The following FAM204A variants were observed in gnomAD, a reference collection of about 807,000 sequenced individuals.
FAM204A encodes family with sequence similarity 204 member A, also known as protein FAM204A.
In FAM204A, 16 loss-of-function variants were observed where a neutral mutation model predicts 35.4. The ratio of observed to expected loss-of-function variants is 0.45; its 90% CI spans 0.31 to 0.69. FAM204A has a LOEUF of 0.69. Among genes scored for constraint, FAM204A ranks in the 30% least tolerant of loss-of-function variants. FAM204A has a pLI of 0.07. For missense variants in FAM204A, 240 were observed against 265.7 expected, an observed-to-expected ratio of 0.90 and a Z score of 0.67; for synonymous variants, 76 against 86.9, an observed-to-expected ratio of 0.88 and a Z score of 0.70.
chr10:118,335,227 G>T lies in FAM204A; in HGVS notation c.354-14C>A, dbSNP rs1358616467. 6.2e-7 allele frequency: 1 copy of T among 1,606,778 alleles called. No individual in the cohort carries two copies. Among genetic ancestry groups the T allele is most frequent in the Non-Finnish European group, 8.5e-7 (1 of 1,175,376 alleles). On this transcript the variant is annotated splice_polypyrimidine_tract_variant and intron_variant, in intron 5 of 8. Coordinates refer to ENST00000369183, the MANE Select transcript of FAM204A (RefSeq NM_022063.3). ...GAGGACGGTTCACTAAAAGAAGATA[G>T]TAAGTTTTGTTTTATACAATATATA...
In FAM204A at chr10:118,299,981, T is replaced by G. The variant is rs1845791780; in HGVS notation, c.*10876A>C. 1 of 152,224 alleles carries G rather than the reference T, an allele frequency of 6.6e-6. No individual in the cohort carries two copies. The highest frequency in any genetic ancestry group is 2.1e-4 in the South Asian group (1 of 4,824). The allele number at this position is 152,224 out of a possible 1,614,324, so 9.4% of individuals were successfully genotyped here. A position where few individuals can be genotyped will look rare whatever the true frequency, so the allele number is the denominator to read the frequency against. On this transcript the variant is annotated 3_prime_UTR_variant, in exon 9 of 9. Transcript: ENST00000369183. ...ACAAGTAGATTGGAAGTGGGTCTTGTGTGGCCTTGATTATAGAGGAACAAA... is the reference window on the plus strand; with the variant it reads ...ACAAGTAGATTGGAAGTGGGTCTTGGGTGGCCTTGATTATAGAGGAACAAA...
chr10:118,340,063 A>G (rs1279704644), intron 2 of FAM204A, among the ~76,000 whole-genome samples: 2 of 152,214 alleles, frequency 1.3e-5, no homozygotes, highest in Admixed American at 1.3e-4. Context: ...GCTAATTTCA[A>G]AAAGCCCAAA....
rs950062129 is a variant in FAM204A, at chr10:118,300,892, A to G, written c.*9965T>C. The G allele has an allele frequency of 2.6e-5, 4 of 152,254 alleles. No homozygotes were observed. The highest frequency in any genetic ancestry group is 5.9e-5 in the Non-Finnish European group (4 of 68,058). 9.4% of individuals were successfully genotyped at this position (152,254 alleles called of 1,614,324 possible). Reference sequence around the variant, plus strand: ...CATCAGTAATGGTAACTGAGTGCTTACTGCATGCCAGACCCGTGCTAAGCT... The same window carrying G: ...CATCAGTAATGGTAACTGAGTGCTTGCTGCATGCCAGACCCGTGCTAAGCT... On this transcript the variant is annotated 3_prime_UTR_variant, in exon 9 of 9. Coordinates refer to ENST00000369183, the MANE Select transcript of FAM204A (RefSeq NM_022063.3).
At chr10:118,314,643 T>G (rs1442327838) in intron 7 of FAM204A, among the ~76,000 whole-genome samples, 1 of 152,182 alleles carries the variant, frequency 6.6e-6, no homozygotes, top group African/African-American at 2.4e-5. Flanking sequence ...ATCTTCATGC[T>G]CAATGTAAAC....
At chr10:118,321,917 A>G (rs1589723667) in intron 7 of FAM204A, among the ~76,000 whole-genome samples, 2 of 152,042 alleles carry the variant, frequency 1.3e-5, no homozygotes, top group East Asian at 3.9e-4. Context: ...AGAATGTCAC[A>G]TGGTGACCCT....
intron 6 of FAM204A, among the ~76,000 whole-genome samples, chr10:118,331,315 C>T (rs1295761031): frequency 6.6e-6 from 1 of 152,130 alleles, no homozygotes; most frequent in Non-Finnish European, 1.5e-5. Flanking sequence ...CCTGCAGCAC[C>T]TTGGTGTGCT....
chr10:118,300,926 G>A lies in FAM204A; in HGVS notation c.*9931C>T, dbSNP rs1250792116. On this transcript the variant is annotated 3_prime_UTR_variant, in exon 9 of 9. Coordinates refer to ENST00000369183, the MANE Select transcript of FAM204A (RefSeq NM_022063.3). ...CAGACCCGTGCTAAGCTCTCTCCATGCACTATCTTAATGTTCACAACCTCA... is the reference window on the plus strand; with the variant it reads ...CAGACCCGTGCTAAGCTCTCTCCATACACTATCTTAATGTTCACAACCTCA... 6.6e-6 allele frequency: 1 copy of A among 152,200 alleles called. No individual in the cohort carries two copies. Among genetic ancestry groups the A allele is most frequent in the African/African-American group, 2.4e-5 (1 of 41,448 alleles). 9.4% of individuals were successfully genotyped at this position (152,200 alleles called of 1,614,324 possible). A position where few individuals can be genotyped will look rare whatever the true frequency, so the allele number is the denominator to read the frequency against.
intron 7 of FAM204A, among the ~76,000 whole-genome samples, chr10:118,312,263 T>C (rs1005644531): frequency 6.6e-6 from 1 of 152,210 alleles, no homozygotes; most frequent in Non-Finnish European, 1.5e-5. Flanking sequence ...TTTCTTGCCT[T>C]TTCTATCCCT....
In FAM204A at chr10:118,306,911, T is replaced by C. The variant is rs982798694; in HGVS notation, c.*3946A>G. On this transcript the variant is annotated 3_prime_UTR_variant, in exon 9 of 9. Coordinates refer to ENST00000369183, the MANE Select transcript of FAM204A (RefSeq NM_022063.3). ...TATTTTTTTCTTTTAAAGCAAGCAG[T>C]GTGGAGGGAGGATGAAATAATAAAG... is the stretch of plus-strand genomic sequence containing the variant. The C allele has an allele frequency of 6.6e-6, 1 of 152,102 alleles. No individual in the cohort carries two copies. Among genetic ancestry groups the C allele is most frequent in the African/African-American group, 2.4e-5 (1 of 41,410 alleles). The allele number at this position is 152,102 out of a possible 1,614,324, so 9.4% of individuals were successfully genotyped here.
In FAM204A at chr10:118,309,477, A is replaced by G. The variant is rs776975117; in HGVS notation, c.*1380T>C. ...AAAGTTTATATCAGACAGGTAGGAA[A>G]CCTCTGACAACGACAGAAGAGGTGA... On this transcript the variant is annotated 3_prime_UTR_variant, in exon 9 of 9. Transcript: ENST00000369183. 6.6e-6 allele frequency: 1 copy of G among 152,172 alleles called. No homozygotes were observed. Among genetic ancestry groups the G allele is most frequent in the Non-Finnish European group, 1.5e-5 (1 of 68,038 alleles). The allele number at this position is 152,172 out of a possible 1,614,324, so 9.4% of individuals were successfully genotyped here. A position where few individuals can be genotyped will look rare whatever the true frequency, so the allele number is the denominator to read the frequency against.
Position 118,300,369 on chromosome 10 carries a change from A to G in FAM204A, c.*10488T>C, listed in dbSNP as rs372787520. On this transcript the variant is annotated 3_prime_UTR_variant, in exon 9 of 9. Transcript: ENST00000369183. Reference sequence around the variant, plus strand: ...GAAAGAAAAGATGAAAGGACGTATTACTTCTTTTGTTCACTCAAGCCAATT... The same window carrying G: ...GAAAGAAAAGATGAAAGGACGTATTGCTTCTTTTGTTCACTCAAGCCAATT... 1 of 152,228 alleles carries G rather than the reference A, an allele frequency of 6.6e-6. No homozygotes were observed. Among genetic ancestry groups the G allele is most frequent in the African/African-American group, 2.4e-5 (1 of 41,458 alleles). The allele number at this position is 152,228 out of a possible 1,614,324, so 9.4% of individuals were successfully genotyped here. A position where few individuals can be genotyped will look rare whatever the true frequency, so the allele number is the denominator to read the frequency against.
chr10:118,308,511 A>G lies in FAM204A; in HGVS notation c.*2346T>C, dbSNP rs1845899426. ...CATGTCAGCAGGGCCAATCCAAGAC[A>G]ACCTGTCCCCACAAATCTTCCCTCC... On this transcript the variant is annotated 3_prime_UTR_variant, in exon 9 of 9. Coordinates refer to ENST00000369183, the MANE Select transcript of FAM204A (RefSeq NM_022063.3). 1 of 152,202 alleles carries G rather than the reference A, an allele frequency of 6.6e-6. No homozygotes were observed. The allele number at this position is 152,202 out of a possible 1,614,324, so 9.4% of individuals were successfully genotyped here.
intron 2 of FAM204A, among the ~76,000 whole-genome samples, chr10:118,341,419 C>T (rs1216589396): frequency 6.6e-6 from 1 of 152,112 alleles, no homozygotes. Flanking sequence ...AAAATAGTTA[C>T]TATTTTCAAG....
intron 2 of FAM204A, among the ~76,000 whole-genome samples, chr10:118,339,220 T>C (rs1234015569): frequency 6.6e-6 from 1 of 152,206 alleles, no homozygotes; most frequent in Non-Finnish European, 1.5e-5. Context: ...CCACTTACTG[T>C]GCAGCCTGCA....
intron 2 of FAM204A, chr10:118,337,391 T>C (rs1443423030): frequency 8.9e-6 from 2 of 225,150 alleles, no homozygotes; most frequent in Non-Finnish European, 1.5e-5. Context: ...CAGTTTTCTG[T>C]CCCATATTGT....
intron 7 of FAM204A, among the ~76,000 whole-genome samples, chr10:118,311,815 T>C (rs1196265419): frequency 6.6e-6 from 1 of 152,232 alleles, no homozygotes; most frequent in Non-Finnish European, 1.5e-5. Flanking sequence ...AAATGCACTC[T>C]GTATGATCGG....
intron 2 of FAM204A, among the ~76,000 whole-genome samples, chr10:118,339,605 C>T (rs533689739): frequency 7.9e-4 from 120 of 152,324 alleles, no homozygotes; most frequent in African/African-American, 2.5e-3. Flanking sequence ...GTCCATATAA[C>T]AGCCAATGTA....
Position 118,335,980 on chromosome 10 carries a change from C to T in FAM204A, c.234+202G>A, listed in dbSNP as rs1188704770. Reference sequence around the variant, plus strand: ...TGGTTTGGGTTTTTTTTTTTTCCCCCTCCGTCTTTCTATGAAAAACAAAAC... The same window carrying T: ...TGGTTTGGGTTTTTTTTTTTTCCCCTTCCGTCTTTCTATGAAAAACAAAAC... On this transcript the variant is annotated intron_variant, in intron 3 of 8. Transcript: ENST00000369183. 2.5e-5 allele frequency: 15 copies of T among 591,442 alleles called. No individual in the cohort carries two copies. The African/African-American group carries it at 2.7e-4, about 10-fold the overall frequency. The allele number at this position is 591,442 out of a possible 1,614,324, so 36.6% of individuals were successfully genotyped here. A position where few individuals can be genotyped will look rare whatever the true frequency, so the allele number is the denominator to read the frequency against.
chr10:118,339,020 C>T (rs576511976), intron 2 of FAM204A, among the ~76,000 whole-genome samples: 12 of 152,074 alleles, frequency 7.9e-5, no homozygotes, highest in African/African-American at 1.7e-4. Context: ...CTTGAGTGTA[C>T]CCAAAGGAAA....
Sources: allele counts gnomAD v4.1 joint callset (sites outside exome capture counted in the v4.1 genomes callset), GRCh38; gene constraint gnomAD v4.1.1; transcripts MANE v1.5; gene names NCBI Gene and HGNC (gene_info 2026-07-23, HGNC 2026-07-21).